Variants in ACSM1 observed in about 807,000 individuals in gnomAD.
The protein encoded by ACSM1 is acyl-coenzyme A synthetase ACSM1, mitochondrial.
In ACSM1, 79 loss-of-function variants were observed where a neutral mutation model predicts 75.8. That is an observed-to-expected ratio of 1.04 (90% confidence interval 0.87 to 1.26). The LOEUF (loss-of-function observed/expected upper bound fraction) is 1.26, where lower values mean the gene tolerates loss of function less well. ACSM1 is among the 50% of genes most tolerant of loss of function. The pLI is 0.00. For synonymous variants in ACSM1, 279 were observed against 265.8 expected, an observed-to-expected ratio of 1.05 and a Z score of -0.48; for missense variants, 676 against 720.1, an observed-to-expected ratio of 0.94 and a Z score of 0.70.
At chr16:20,659,114 T>C (rs2019157638) in intron 7 of ACSM1, among the ~76,000 whole-genome samples, 1 of 152,160 alleles carries the variant, frequency 6.6e-6, no homozygotes. Flanking sequence ...ACTCAGAACA[T>C]AGATCTGATC....
chr16:20,678,040 A>AAATAAATAAATAAATAAATG (rs1401099135), intron 4 of ACSM1, among the ~76,000 whole-genome samples: 3 of 151,752 alleles, frequency 2.0e-5, no homozygotes, highest in African/African-American at 7.3e-5. Context: ...ATAAATAAAT[A>AAATAAATAAATAAATAAATG]AATGAGACAA....
chr16:20,682,973 C>G (rs2079477263), intron 3 of ACSM1, among the ~76,000 whole-genome samples: 1 of 152,166 alleles, frequency 6.6e-6, no homozygotes. Context: ...CCATTGCCAA[C>G]AGTGAGCTCA....
At chr16:20,631,015 C>T (rs163246) in intron 10 of ACSM1, among the ~76,000 whole-genome samples, 44,548 of 152,098 alleles carry the variant, frequency 0.29, 7,970 homozygotes, top group African/African-American at 0.5. Flanking sequence ...TTATAGATTG[C>T]AGCAAACACA....
At chr16:20,680,760 C>T (rs1271198620) in intron 4 of ACSM1, 2 of 152,254 alleles carry the variant, frequency 1.3e-5, no homozygotes, top group Admixed American at 1.3e-4. Context: ...TATCTCCATT[C>T]TCTACCCTAA....
Position 20,691,140 on chromosome 16 carries a change from A to G in ACSM1, c.49T>C (p.Phe17Leu). The change falls in exon 2 of 14, where the codon TTC becomes CTC. Residue 17 changes from phenylalanine to leucine, a missense_variant. By Grantham distance (22) the Phe-to-Leu change is conservative. Coordinates refer to ENST00000520010, the MANE Select transcript of ACSM1 (RefSeq NM_001318890.3). ...GAAGGGGCAGGGTGGATGTTGTGGAAGGATTTGTGGATGCCCCAGAGGGTC... is the reference window on the plus strand; with the variant it reads ...GAAGGGGCAGGGTGGATGTTGTGGAGGGATTTGTGGATGCCCCAGAGGGTC... ...FRTLWGIHKS[F>L]HNIHPAPSQL... 6.2e-7 allele frequency: 1 copy of G among 1,612,732 alleles called. No homozygotes were observed. Among genetic ancestry groups the G allele is most frequent in the Non-Finnish European group, 8.5e-7 (1 of 1,179,416 alleles).
At chr16:20,693,135 A>C (rs936884530) in intron 1 of ACSM1, among the ~76,000 whole-genome samples, 6 of 151,672 alleles carry the variant, frequency 4.0e-5, no homozygotes, top group Non-Finnish European at 7.4e-5. Flanking sequence ...ATGCCACTGC[A>C]CTGAAGCCTG....
intron 2 of ACSM1, among the ~76,000 whole-genome samples, chr16:20,689,170 C>T (rs1434033098): frequency 6.6e-6 from 1 of 151,366 alleles, no homozygotes; most frequent in Non-Finnish European, 1.5e-5. Context: ...TCATTATTGG[C>T]CTTATAATGT....
chr16:20,627,957 T>C (rs932438205), intron 10 of ACSM1, among the ~76,000 whole-genome samples: 1 of 144,928 alleles, frequency 6.9e-6, no homozygotes, highest in African/African-American at 2.6e-5. Flanking sequence ...GAATGAAATT[T>C]CCATTATGGT....
Position 20,635,616 on chromosome 16 carries a change from CTT to C in ACSM1, c.1299+1121_1299+1122del, listed in dbSNP as rs1567251815. Among the ~76,000 whole-genome samples, 3 of 104,296 alleles carry C rather than the reference CTT, an allele frequency of 2.9e-5. No homozygotes were observed. The South Asian group carries it at 9.6e-4, about 33-fold the overall frequency. 68.4% of individuals were successfully genotyped at this position (104,296 alleles called of 152,430 possible). A position where few individuals can be genotyped will look rare whatever the true frequency, so the allele number is the denominator to read the frequency against. On this transcript the variant is annotated intron_variant, in intron 10 of 13. Transcript: ENST00000520010. ...TCTTTCTTTCTTTCTTTCTTTCTTT[CTT>C]TCTTTCTTTCTTTCTTTCTTTCTTT... is the stretch of plus-strand genomic sequence containing the variant.
intron 7 of ACSM1, among the ~76,000 whole-genome samples, chr16:20,654,370 C>CA (rs1304621383): frequency 6.6e-6 from 1 of 152,108 alleles, no homozygotes; most frequent in Non-Finnish European, 1.5e-5. Flanking sequence ...ACACCAAAAG[C>CA]AATGGCAACA....
intron 6 of ACSM1, among the ~76,000 whole-genome samples, chr16:20,666,714 A>T (rs1431080071): frequency 6.6e-6 from 1 of 152,230 alleles, no homozygotes; most frequent in Non-Finnish European, 1.5e-5. Context: ...AAACTATGTC[A>T]TAAGGCTACA....
At chr16:20,639,729 G>C (rs756124125) in intron 8 of ACSM1, among the ~76,000 whole-genome samples, 1 of 152,186 alleles carries the variant, frequency 6.6e-6, no homozygotes, top group Non-Finnish European at 1.5e-5. Context: ...CGATGGGGCT[G>C]TGTCCCGCAC....
intron 12 of ACSM1, 37 bp downstream of exon 12, chr16:20,625,386 C>T (rs748721549): frequency 3.1e-6 from 5 of 1,595,968 alleles, no homozygotes; most frequent in Non-Finnish European, 4.3e-6. Flanking sequence ...TTCCTAGTGC[C>T]CACGCACAGA....
intron 7 of ACSM1, among the ~76,000 whole-genome samples, chr16:20,659,851 T>C (rs1331371149): frequency 6.6e-6 from 1 of 152,178 alleles, no homozygotes; most frequent in African/African-American, 2.4e-5. Flanking sequence ...AACCTGAACA[T>C]TTCCTTTGAT....
At chr16:20,625,614 C>T in intron 11 of ACSM1, 92 bp from the exon 12 acceptor site, 1 of 1,219,170 alleles carries the variant, frequency 8.2e-7, no homozygotes, top group Non-Finnish European at 1.2e-6. Context: ...TCCTTTGGCA[C>T]AGAGGGTGGA....
intron 3 of ACSM1, among the ~76,000 whole-genome samples, chr16:20,684,853 TTGTG>T (rs529798511): frequency 2.6e-5 from 4 of 151,278 alleles, no homozygotes; most frequent in Non-Finnish European, 4.4e-5. Flanking sequence ...GTATGTGTGT[TTGTG>T]TGTGTGTGTG....
intron 7 of ACSM1, among the ~76,000 whole-genome samples, chr16:20,643,813 G>A (rs1205946959): frequency 2.0e-5 from 3 of 152,026 alleles, no homozygotes; most frequent in Non-Finnish European, 4.4e-5. Flanking sequence ...TTTACAGAGT[G>A]CTGACTGGTG....
At chr16:20,650,164 TC>T (rs1384354040) in intron 7 of ACSM1, among the ~76,000 whole-genome samples, 3 of 152,246 alleles carry the variant, frequency 2.0e-5, no homozygotes, top group Non-Finnish European at 4.4e-5. Flanking sequence ...AGTTGTTGTT[TC>T]AGGATCCTTA....
rs1029468103 is a variant in ACSM1, at chr16:20,648,464, T to C, written c.993-7880A>G. On this transcript the variant is annotated intron_variant, in intron 7 of 13. Transcript: ENST00000520010. This position sits in a 1 kb window ranked among gnomAD's most constrained non-coding sequence, Gnocchi z 4.2. ...AGAATGGACCCCTCCTCTCAGTCAA[T>C]TGCATTCCAAAGTTATCCTAAGACA... is the stretch of plus-strand genomic sequence containing the variant. Among the ~76,000 whole-genome samples the C allele has an allele frequency of 2.0e-5, 3 of 152,216 alleles. No individual in the cohort carries two copies. Among genetic ancestry groups the C allele is most frequent in the Non-Finnish European group, 4.4e-5 (3 of 68,004 alleles).
Sources: gnomAD v4.1 joint callset for allele counts (sites outside exome capture counted in the v4.1 genomes callset) on GRCh38, gnomAD v4.1.1 for gene constraint, Gnocchi (gnomAD v3.1) non-coding constraint, MANE v1.5 for transcripts, NCBI Gene and HGNC (gene_info 2026-07-23, HGNC 2026-07-21) for gene names.